Variants in RELN observed in about 807,000 individuals in gnomAD.
RELN encodes the protein reelin.
In RELN, 108 loss-of-function variants were observed where a neutral mutation model predicts 427.6. The ratio of observed to expected loss-of-function variants is 0.25; its 90% CI spans 0.22 to 0.30. The LOEUF (loss-of-function observed/expected upper bound fraction) is 0.30. RELN is among the 10% of genes least tolerant of loss of function. The probability of loss-of-function intolerance (pLI) is 1.00; values close to 1 mark genes in which losing one functional copy is unlikely to be tolerated. For synonymous variants in RELN, 1,524 were observed against 1,513.4 expected (o/e 1.01, Z -0.16); for missense variants, 3,715 against 4,302.8 (o/e 0.86, Z 3.82).
At chr7:103,867,375 T>TAA (rs34552560) in intron 2 of RELN, among the ~76,000 whole-genome samples, 31 of 144,588 alleles carry the variant, frequency 2.1e-4, no homozygotes, top group East Asian at 4.0e-4. Context: ...ATTGCCTCAC[T>TAA]AAAAAAAAAA....
chr7:103,491,850 TCTCTCTCACACACACACACACACACACA>T, intron 58 of RELN, 75 bp downstream of exon 58: 1 of 509,486 alleles, frequency 2.0e-6, no homozygotes, highest in East Asian at 6.0e-5. Context: ...TCTCTCTCTC[TCTCTCTCACACACACACACACACACACA>T]CACACACACA....
At position 103,824,571 on chromosome 7, in the gene RELN, C is replaced by T. The variant is rs901738832; in HGVS notation, c.473+8966G>A. On this transcript the variant is annotated intron_variant, in intron 3 of 64. Transcript: ENST00000428762. This position sits in a 1 kb window ranked among gnomAD's most constrained non-coding sequence, Gnocchi z 4.4. ...TGTCAGTTCCTATTTCTTGACCCAGCTTTGATATGTCTCCTTTCTTCTGGA... is the reference window on the plus strand; with the variant it reads ...TGTCAGTTCCTATTTCTTGACCCAGTTTTGATATGTCTCCTTTCTTCTGGA... Among the ~76,000 whole-genome samples the T allele has an allele frequency of 8.6e-5, 13 of 150,386 alleles. No individual in the cohort carries two copies. Among genetic ancestry groups the T allele is most frequent in the Non-Finnish European group, 1.8e-4 (12 of 67,826 alleles).
intron 17 of RELN, among the ~76,000 whole-genome samples, chr7:103,638,682 T>C (rs1832634620): frequency 6.6e-6 from 1 of 151,912 alleles, no homozygotes; most frequent in African/African-American, 2.4e-5. Flanking sequence ...TTGTTAGAAA[T>C]AGGGAAAAAC....
rs147217906 is a variant in RELN at position 103,557,562 on chromosome 7, T to C, written c.5614+403A>G. Among the ~76,000 whole-genome samples the C allele has an allele frequency of 4.7e-3, 714 of 152,342 alleles. 13 individuals carry two copies. The highest frequency in any genetic ancestry group is 0.043 in the Admixed American group (664 of 15,290). On this transcript the variant is annotated intron_variant, in intron 37 of 64. Coordinates refer to ENST00000428762, the MANE Select transcript of RELN (RefSeq NM_005045.4). Reference sequence around the variant, plus strand: ...CAATCAATTTGTTCAGGAAAATTATTTAGTTAATATGAAAAGCCAGAATGA... The same window carrying C: ...CAATCAATTTGTTCAGGAAAATTATCTAGTTAATATGAAAAGCCAGAATGA...
intron 3 of RELN, among the ~76,000 whole-genome samples, chr7:103,806,588 G>C (rs952890453): frequency 6.6e-6 from 1 of 152,066 alleles, no homozygotes; most frequent in South Asian, 2.1e-4. Flanking sequence ...GCTTCCCAAA[G>C]TGCTGGGATT....
At chr7:103,743,099 G>A (rs912853913) in intron 6 of RELN, among the ~76,000 whole-genome samples, 3 of 149,752 alleles carry the variant, frequency 2.0e-5, no homozygotes, top group African/African-American at 7.6e-5. Flanking sequence ...GAGAGTGGGG[G>A]CCAATATTCA....
intron 1 of RELN, among the ~76,000 whole-genome samples, chr7:103,918,000 T>C (rs114584662): frequency 0.013 from 1,910 of 152,122 alleles, 35 homozygotes; most frequent in African/African-American, 0.044. Flanking sequence ...CAAGGGAAGG[T>C]AATAATATTA....
intron 3 of RELN, among the ~76,000 whole-genome samples, chr7:103,794,278 G>A (rs543758213): frequency 1.9e-3 from 296 of 152,152 alleles, no homozygotes; most frequent in Non-Finnish European, 3.6e-3. Context: ...AGCCAGGCTC[G>A]AAAACTACTA....
chr7:103,865,921 C>G (rs1019320042), intron 2 of RELN, among the ~76,000 whole-genome samples: 1 of 152,112 alleles, frequency 6.6e-6, no homozygotes, highest in African/African-American at 2.4e-5. Flanking sequence ...GTGGGAAACC[C>G]TGCACTTATA....
At chr7:103,662,620 C>T (rs13238300) in intron 11 of RELN, among the ~76,000 whole-genome samples, 28,579 of 119,018 alleles carry the variant, frequency 0.24, 3,113 homozygotes, top group Middle Eastern at 0.43. Flanking sequence ...AGCGAGACTC[C>T]GTCACAAAAA....
chr7:103,762,247 A>G (rs760662031), intron 4 of RELN, among the ~76,000 whole-genome samples: 1 of 152,250 alleles, frequency 6.6e-6, no homozygotes, highest in African/African-American at 2.4e-5. Flanking sequence ...CTTGGCGCCT[A>G]GATTTGGAAG....
chr7:103,949,171 A>G (rs1796283715), intron 1 of RELN, among the ~76,000 whole-genome samples: 2 of 152,080 alleles, frequency 1.3e-5, no homozygotes, highest in Non-Finnish European at 2.9e-5. Flanking sequence ...TTAATTCTCA[A>G]AAACTTATGT....
In RELN at chr7:103,565,615, C is replaced by A; in HGVS notation, c.4937-64G>T. 3 of 1,505,322 alleles carry A rather than the reference C, an allele frequency of 2.0e-6. No homozygotes were observed. The South Asian group carries it at 3.5e-5, about 18-fold the overall frequency. The allele number at this position is 1,505,322 out of a possible 1,614,324, so 93.2% of individuals were successfully genotyped here. A position where few individuals can be genotyped will look rare whatever the true frequency, so the allele number is the denominator to read the frequency against. On this transcript the variant is annotated intron_variant, in intron 33 of 64. Coordinates refer to ENST00000428762, the MANE Select transcript of RELN (RefSeq NM_005045.4). ...GCCATTTTCTTATTTGGTGTTTATG[C>A]TTATAATAAACATCTTCAATAGCAA...
intron 51 of RELN, among the ~76,000 whole-genome samples, chr7:103,508,898 T>C (rs967044394): frequency 3.3e-5 from 5 of 152,188 alleles, no homozygotes; most frequent in Admixed American, 2.6e-4. Flanking sequence ...CCATTCACAA[T>C]TGCTACAAAG....
intron 11 of RELN, among the ~76,000 whole-genome samples, chr7:103,671,934 A>C (rs550795075): frequency 9.9e-5 from 15 of 152,276 alleles, no homozygotes; most frequent in African/African-American, 3.6e-4. Context: ...ACTACCTTCA[A>C]TTCATTTACC....
chr7:103,810,013 A>C (rs1371063248), intron 3 of RELN, among the ~76,000 whole-genome samples: 1 of 152,180 alleles, frequency 6.6e-6, no homozygotes, highest in East Asian at 1.9e-4. Context: ...AATTCCAGAA[A>C]GTAGATTTCC....
intron 19 of RELN, among the ~76,000 whole-genome samples, chr7:103,635,066 G>GA (rs936483751): frequency 4.6e-5 from 7 of 151,774 alleles, no homozygotes; most frequent in African/African-American, 1.7e-4. Context: ...TCACCATGTT[G>GA]ACCAGGATGG....
chr7:103,551,098 C>T lies in RELN; in HGVS notation c.6271G>A (p.Val2091Ile), dbSNP rs898902759. The change falls in exon 41 of 65, where the codon GTC (valine) becomes ATC (isoleucine). Residue 2091 changes from valine (V) to isoleucine (I), a missense_variant. Physicochemically the swap from Val to Ile is conservative, Grantham distance 29. This residue lies in a region of RELN where 1,310 missense variants were observed against 1,643.0 expected (regional missense o/e 0.80). Transcript: ENST00000428762. ...AGGTGCAGCTTCCCAAAGTGCACGA[C>T]CTCCCTCCTCCAGCCCTGCATGGTT... ...AGTMQGWRREVVHFGKLHLCG... is the reference protein window; with the variant it reads ...AGTMQGWRREIVHFGKLHLCG... 6.2e-7 allele frequency: 1 copy of T among 1,613,796 alleles called. No homozygotes were observed. The highest frequency in any genetic ancestry group is 8.5e-7 in the Non-Finnish European group (1 of 1,180,016).
intron 51 of RELN, among the ~76,000 whole-genome samples, chr7:103,506,692 T>G (rs1049469442): frequency 1.3e-5 from 2 of 152,144 alleles, no homozygotes; most frequent in Non-Finnish European, 2.9e-5. Flanking sequence ...AATGACAGGA[T>G]CAAATTCACA....
Sources: gnomAD v4.1 joint callset for allele counts (sites outside exome capture counted in the v4.1 genomes callset) on GRCh38, gnomAD v4.1.1 for gene constraint, gnomAD v4.1.1 regional missense constraint, Gnocchi (gnomAD v3.1) non-coding constraint, MANE v1.5 for transcripts, NCBI Gene and HGNC (gene_info 2026-07-23, HGNC 2026-07-21) for gene names.